TBXAS1: variants seen among roughly 807,000 people sequenced by gnomAD.
TBXAS1 encodes thromboxane-A synthase.
In TBXAS1, 48 loss-of-function variants were observed where a neutral mutation model predicts 60.7. The ratio of observed to expected loss-of-function variants is 0.79; its 90% CI spans 0.63 to 1.01. The LOEUF (loss-of-function observed/expected upper bound fraction) is 1.01. TBXAS1 is among the 50% of genes least tolerant of loss of function. The pLI, the probability that TBXAS1 is intolerant of heterozygous loss-of-function variation, is 0.00. For synonymous variants in TBXAS1, 287 were observed against 269.7 expected (o/e 1.06, Z -0.63); for missense variants, 685 against 686.3 (o/e 1.00, Z 0.02).
chr7:139,973,519 A>G (rs1811357571), intron 9 of TBXAS1, among the ~76,000 whole-genome samples: 2 of 150,540 alleles, frequency 1.3e-5, no homozygotes, highest in Admixed American at 6.6e-5. Context: ...TTGCCCCAGG[A>G]CTGTGGACAG....
chr7:139,861,378 C>A (rs888629648), intron 1 of TBXAS1, among the ~76,000 whole-genome samples: 1 of 151,462 alleles, frequency 6.6e-6, no homozygotes, highest in Non-Finnish European at 1.5e-5. Context: ...GTACTACAGG[C>A]ATGCACCACC....
At chr7:139,830,189 C>G (rs1234173485) in intron 1 of TBXAS1, among the ~76,000 whole-genome samples, 3 of 152,078 alleles carry the variant, frequency 2.0e-5, no homozygotes, top group African/African-American at 7.2e-5. Flanking sequence ...GCATATTCGC[C>G]CTGTCAGTTA....
At chr7:139,873,436 G>A (rs997575030) in intron 2 of TBXAS1, among the ~76,000 whole-genome samples, 1 of 152,230 alleles carries the variant, frequency 6.6e-6, no homozygotes, top group South Asian at 2.1e-4. Flanking sequence ...CAGGGGTGAA[G>A]CCACGATGGC....
At chr7:139,898,821 C>T (rs1569510443) in intron 3 of TBXAS1, among the ~76,000 whole-genome samples, 4 of 152,290 alleles carry the variant, frequency 2.6e-5, no homozygotes, top group East Asian at 3.9e-4. Context: ...GACCTCATAA[C>T]GGTCTCTTTA....
At chr7:140,003,304 A>G (rs1442523098) in intron 9 of TBXAS1, among the ~76,000 whole-genome samples, 2 of 151,782 alleles carry the variant, frequency 1.3e-5, no homozygotes, top group Non-Finnish European at 2.9e-5. Context: ...TCCCGGTTCA[A>G]GCGATTCTCC....
chr7:139,860,294 T>C (rs901573740), intron 1 of TBXAS1, among the ~76,000 whole-genome samples: 3 of 152,056 alleles, frequency 2.0e-5, no homozygotes, highest in African/African-American at 7.2e-5. Context: ...TACCATGTAC[T>C]GTTCAGTTCT....
intron 9 of TBXAS1, among the ~76,000 whole-genome samples, chr7:139,990,816 C>T (rs1293165632): frequency 6.6e-6 from 1 of 152,074 alleles, no homozygotes; most frequent in Non-Finnish European, 1.5e-5. Context: ...CCAGCTGGCC[C>T]CACCCCTCAG....
chr7:139,786,562 T>C (rs1427958888), intron 3 of TBXAS1, among the ~76,000 whole-genome samples: 7 of 152,220 alleles, frequency 4.6e-5, no homozygotes, highest in African/African-American at 1.4e-4. Context: ...TTTTATTTTA[T>C]TTTTTCATAT....
chr7:139,888,998 A>T (rs1803340581), intron 3 of TBXAS1, among the ~76,000 whole-genome samples: 1 of 152,062 alleles, frequency 6.6e-6, no homozygotes, highest in African/African-American at 2.4e-5. Flanking sequence ...GATTTAGATT[A>T]TCAGAAATGG....
intron 2 of TBXAS1, among the ~76,000 whole-genome samples, chr7:139,782,317 C>T (rs1044180699): frequency 6.6e-6 from 1 of 151,800 alleles, no homozygotes; most frequent in Admixed American, 6.6e-5. Flanking sequence ...GATTTAGTAA[C>T]CATTTATACC....
In TBXAS1 at chr7:139,889,239, T is replaced by C. The variant is rs868653437; in HGVS notation, c.236+13602T>C. 6.0e-5 allele frequency among the ~76,000 whole-genome samples: 9 copies of C among 150,270 alleles called. No homozygotes were observed. The Middle Eastern group carries it at 0.02, about 341-fold the overall frequency. ...GTCCCAAGTACTTTGGAGGCTGAGA[T>C]AGGAGGATCGCTTGAGCCAGGAAGG... On this transcript the variant is annotated intron_variant, in intron 3 of 12. Transcript: ENST00000448866.
intron 9 of TBXAS1, among the ~76,000 whole-genome samples, chr7:139,965,437 T>C (rs556841186): frequency 6.6e-6 from 1 of 152,174 alleles, no homozygotes; most frequent in Non-Finnish European, 1.5e-5. Context: ...CCGCATTTTA[T>C]TTTATTTTAT....
In TBXAS1 at chr7:139,846,040, G is replaced by A. The variant is rs184768152; in HGVS notation, c.89+16561G>A. On this transcript the variant is annotated intron_variant, in intron 1 of 12. Coordinates refer to ENST00000448866, the MANE Select transcript of TBXAS1 (RefSeq NM_001061.7). ...GGGGTTTCTCCATGTTGCCCAGGCT[G>A]GGAACTCTGGATCTTAATAAAATAT... is the stretch of plus-strand genomic sequence containing the variant. Among the ~76,000 whole-genome samples the A allele has an allele frequency of 7.2e-3, 1,097 of 152,008 alleles. 11 individuals are homozygous for A. The highest frequency in any genetic ancestry group is 0.025 in the African/African-American group (1,048 of 41,424).
chr7:139,828,988 G>C (rs1798532584), upstream of TBXAS1, among the ~76,000 whole-genome samples: 1 of 152,244 alleles, frequency 6.6e-6, no homozygotes, highest in Non-Finnish European at 1.5e-5. Context: ...TATAGACATA[G>C]AGATAGATAT....
In TBXAS1 at chr7:139,952,658, G is replaced by C. The variant is rs142393188; in HGVS notation, c.451-710G>C. ...TGTCGAAGCCGAGTGGTATCTATGT[G>C]AATCTCCATTATGCCACTCTACCTT... On this transcript the variant is annotated intron_variant, in intron 5 of 12. Coordinates refer to ENST00000448866, the MANE Select transcript of TBXAS1 (RefSeq NM_001061.7). 2,574 of 1,536,774 alleles carry C rather than the reference G, an allele frequency of 1.7e-3. 2 individuals are homozygous for C. The highest frequency in any genetic ancestry group is 2.5e-3 in the Middle Eastern group (15 of 5,990).
At chr7:139,871,551 C>G (rs575127655) in intron 1 of TBXAS1, among the ~76,000 whole-genome samples, 1 of 152,344 alleles carries the variant, frequency 6.6e-6, no homozygotes, top group East Asian at 1.9e-4. Flanking sequence ...ACTTCTCAGA[C>G]TGCCGCTTTC....
intron 1 of TBXAS1, among the ~76,000 whole-genome samples, chr7:139,867,826 T>A (rs376926859): frequency 8.9e-5 from 13 of 146,854 alleles, no homozygotes; most frequent in African/African-American, 1.8e-4. Context: ...CGAAAATAAA[T>A]AATAAATAAA....
At chr7:139,926,775 C>A (rs191198313) in intron 4 of TBXAS1, among the ~76,000 whole-genome samples, 3 of 151,782 alleles carry the variant, frequency 2.0e-5, no homozygotes, top group African/African-American at 7.2e-5. Flanking sequence ...TATAAATTTT[C>A]TTCCTAGTAC....
chr7:139,848,844 G>A (rs1042954231), intron 1 of TBXAS1, among the ~76,000 whole-genome samples: 13 of 152,154 alleles, frequency 8.5e-5, no homozygotes, highest in Non-Finnish European at 1.5e-4. Context: ...GGGCATTGAT[G>A]TAGAATTTTG....
Sources: gnomAD v4.1 joint callset for allele counts (sites outside exome capture counted in the v4.1 genomes callset) on GRCh38, gnomAD v4.1.1 for gene constraint, MANE v1.5 for transcripts, NCBI Gene and HGNC (gene_info 2026-07-23, HGNC 2026-07-21) for gene names.